ADAM23: variants seen among roughly 807,000 people sequenced by gnomAD.
ADAM23 encodes disintegrin and metalloproteinase domain-containing protein 23.
In ADAM23, 33 loss-of-function variants were observed where a neutral mutation model predicts 120.1. The ratio of observed to expected loss-of-function variants is 0.27; its 90% CI spans 0.21 to 0.37. The LOEUF (loss-of-function observed/expected upper bound fraction) is 0.37. ADAM23 is among the 10% of genes least tolerant of loss of function. ADAM23 has a pLI of 1.00. For missense variants in ADAM23, 862 were observed against 1,058.2 expected (o/e 0.81, Z 2.57); for synonymous variants, 367 against 375.2 (o/e 0.98, Z 0.25).
At chr2:206,470,101 C>A (rs1458812141) in intron 2 of ADAM23, among the ~76,000 whole-genome samples, 1 of 152,062 alleles carries the variant, frequency 6.6e-6, no homozygotes, top group East Asian at 1.9e-4. Flanking sequence ...AAAATGTAAA[C>A]CCTGGAAGGC....
intron 24 of ADAM23, among the ~76,000 whole-genome samples, chr2:206,597,782 G>A (rs1188860992): frequency 2.6e-5 from 4 of 152,134 alleles, no homozygotes; most frequent in African/African-American, 9.7e-5. Flanking sequence ...GATCAGCTTA[G>A]TTTTGGATGA....
intron 6 of ADAM23, among the ~76,000 whole-genome samples, chr2:206,543,850 G>C (rs1697343270): frequency 6.6e-6 from 1 of 152,184 alleles, no homozygotes; most frequent in Admixed American, 6.5e-5. Context: ...TGGAATTGGA[G>C]ACTATTACTA....
chr2:206,485,081 T>C (rs1266564062), intron 3 of ADAM23, among the ~76,000 whole-genome samples: 1 of 152,164 alleles, frequency 6.6e-6, no homozygotes, highest in Non-Finnish European at 1.5e-5. Flanking sequence ...ATGAGCAGCA[T>C]GAGAATGGAC....
chr2:206,518,924 T>C (rs893396138), intron 3 of ADAM23, among the ~76,000 whole-genome samples: 14 of 152,178 alleles, frequency 9.2e-5, no homozygotes, highest in African/African-American at 3.4e-4. Context: ...GATGAAAATA[T>C]CAAATAGACG....
At position 206,573,164 on chromosome 2, in the gene ADAM23, T is replaced by A; in HGVS notation, c.1706T>A (p.Ile569Asn). 6.2e-7 allele frequency: 1 copy of A among 1,614,010 alleles called. No homozygotes were observed. The highest frequency in any genetic ancestry group is 1.7e-5 in the Admixed American group (1 of 60,014). The change falls in exon 18 of 26, where the codon ATT becomes AAT. Residue 569 changes from isoleucine (I) to asparagine (N), a missense_variant. By Grantham distance (149) the Ile-to-Asn change is moderately radical. Coordinates refer to ENST00000264377, the MANE Select transcript of ADAM23 (RefSeq NM_003812.4). ...CGGGATGCTGTGAACGAGTGTGATATTACTGAATATTGTACTGGAGACTCT... is the reference window on the plus strand; with the variant it reads ...CGGGATGCTGTGAACGAGTGTGATAATACTGAATATTGTACTGGAGACTCT... ...ECRDAVNECDITEYCTGDSGQ... is the reference protein window; with the variant it reads ...ECRDAVNECDNTEYCTGDSGQ...
chr2:206,571,378 G>T (rs1467841849), intron 16 of ADAM23, among the ~76,000 whole-genome samples: 14 of 152,172 alleles, frequency 9.2e-5, no homozygotes, highest in Non-Finnish European at 1.5e-5. Context: ...GGGAGGCTGA[G>T]GCAGGAGAAT....
At position 206,617,820 on chromosome 2, in the gene ADAM23, TTC is replaced by T. The variant is rs1698963980; in HGVS notation, c.*194_*195del. 2.5e-6 allele frequency: 3 copies of T among 1,214,296 alleles called. No individual in the cohort carries two copies. The highest frequency in any genetic ancestry group is 3.2e-6 in the Non-Finnish European group (3 of 923,878). The allele number at this position is 1,214,296 out of a possible 1,614,324, so 75.2% of individuals were successfully genotyped here. On this transcript the variant is annotated 3_prime_UTR_variant, in exon 26 of 26. Transcript: ENST00000264377. ...TTGGAAATAATGTCAAAGAACACCT[TTC>T]ACCACCTGTCAGTAAACGGGGGAGG...
At chr2:206,524,690 A>G (rs189098577) in intron 3 of ADAM23, among the ~76,000 whole-genome samples, 1 of 152,184 alleles carries the variant, frequency 6.6e-6, no homozygotes, top group Non-Finnish European at 1.5e-5. Context: ...AAAACATCAG[A>G]TCTCGTGAGA....
In ADAM23 at chr2:206,621,054, G is replaced by T. The variant is rs138548211; in HGVS notation, c.*3427G>T. On this transcript the variant is annotated 3_prime_UTR_variant, in exon 26 of 26. Coordinates refer to ENST00000264377, the MANE Select transcript of ADAM23 (RefSeq NM_003812.4). ...TAAATTCATTCGTATCTTGTTGGCT[G>T]CCTATGAATGGAGATTCAGTAGTCA... 5.3e-5 allele frequency: 8 copies of T among 152,204 alleles called. No individual in the cohort carries two copies. Among genetic ancestry groups the T allele is most frequent in the African/African-American group, 1.9e-4 (8 of 41,448 alleles). The allele number at this position is 152,204 out of a possible 1,614,324, so 9.4% of individuals were successfully genotyped here. A position where few individuals can be genotyped will look rare whatever the true frequency, so the allele number is the denominator to read the frequency against.
intron 3 of ADAM23, among the ~76,000 whole-genome samples, chr2:206,488,957 A>G (rs527330185): frequency 1.6e-4 from 24 of 152,182 alleles, no homozygotes; most frequent in Admixed American, 1.6e-3. Context: ...ACAGAAGGCA[A>G]ACTGCCTGGT....
intron 3 of ADAM23, among the ~76,000 whole-genome samples, chr2:206,499,076 A>T (rs1431628156): frequency 6.6e-6 from 1 of 152,124 alleles, no homozygotes; most frequent in African/African-American, 2.4e-5. Flanking sequence ...ACCATTGTGG[A>T]AGTCAGTGTG....
Position 206,465,367 on chromosome 2 carries a change from A to G in ADAM23, c.433-15865A>G, listed in dbSNP as rs1695523212. Among the ~76,000 whole-genome samples, 3 of 152,122 alleles carry G rather than the reference A, an allele frequency of 2.0e-5. No individual in the cohort carries two copies. The South Asian group carries it at 6.2e-4, about 31-fold the overall frequency. On this transcript the variant is annotated intron_variant, in intron 2 of 25. Transcript: ENST00000264377. ...CGTTCTTGCAGATTCTATAATTTTT[A>G]TTTTGTGGGAAATTGGCTAATTTAG...
chr2:206,530,857 A>G (rs775962290), intron 3 of ADAM23, 28 bp from the exon 4 acceptor site: 2 of 1,604,820 alleles, frequency 1.2e-6, no homozygotes, highest in Non-Finnish European at 1.7e-6. Flanking sequence ...TTAGATGCAG[A>G]AATCACTCTA....
At chr2:206,592,554 G>GTGTT in intron 21 of ADAM23, 63 bp from the exon 22 acceptor site, 1 of 1,567,970 alleles carries the variant, frequency 6.4e-7, no homozygotes, top group Non-Finnish European at 8.7e-7. Context: ...GGACCGAATC[G>GTGTT]TTTTGATTTT....
intron 3 of ADAM23, among the ~76,000 whole-genome samples, chr2:206,525,172 C>G (rs1559247862): frequency 6.6e-6 from 1 of 152,124 alleles, no homozygotes; most frequent in African/African-American, 2.4e-5. Flanking sequence ...GGCCTTGGTG[C>G]TTGCTACTAT....
rs1028598243 is a variant in ADAM23, at chr2:206,571,217, T to C, written c.1566+406T>C. On this transcript the variant is annotated intron_variant, in intron 16 of 25. Coordinates refer to ENST00000264377, the MANE Select transcript of ADAM23 (RefSeq NM_003812.4). ...TCGGCCGGGCGCGGTGGCTGACGCCTGTAATCCCAGCACTTTGGGAGGCCG... is the reference window on the plus strand; with the variant it reads ...TCGGCCGGGCGCGGTGGCTGACGCCCGTAATCCCAGCACTTTGGGAGGCCG... Among the ~76,000 whole-genome samples the C allele has an allele frequency of 9.2e-5, 14 of 152,346 alleles. No individual in the cohort carries two copies. The East Asian group carries it at 2.1e-3, about 23-fold the overall frequency.
rs538818188 is a variant in ADAM23, at chr2:206,589,419, G to A, written c.1863G>A (p.Gly621=). 6.2e-7 allele frequency: 1 copy of A among 1,613,446 alleles called. No individual in the cohort carries two copies. The highest frequency in any genetic ancestry group is 1.3e-5 in the African/African-American group (1 of 75,022). Residue 621 remains glycine (G), a synonymous_variant, in exon 21 of 26, where the codon GGG becomes GGA. Transcript: ENST00000264377. ...CQYIWGTKAA[G]SDKFCYEKLN... ...GCCTATCTCCAAAAGAGGCTGCAGG[G>A]TCTGACAAGTTCTGCTATGAAAAGC...
chr2:206,578,218 A>G (rs552642372), intron 18 of ADAM23, among the ~76,000 whole-genome samples: 5 of 152,070 alleles, frequency 3.3e-5, no homozygotes, highest in Non-Finnish European at 5.9e-5. Context: ...TTATTTTTCC[A>G]TAAGTGTTTG....
At chr2:206,575,876 A>T (rs981815105) in intron 18 of ADAM23, among the ~76,000 whole-genome samples, 1 of 152,152 alleles carries the variant, frequency 6.6e-6, no homozygotes, top group African/African-American at 2.4e-5. Context: ...CCACCTCCCA[A>T]TGATGGAAGT....
Sources: allele counts gnomAD v4.1 joint callset (sites outside exome capture counted in the v4.1 genomes callset), GRCh38; gene constraint gnomAD v4.1.1; transcripts MANE v1.5; gene names NCBI Gene and HGNC (gene_info 2026-07-23, HGNC 2026-07-21).